Variants in BAZ2B observed in about 807,000 individuals in gnomAD.
BAZ2B encodes bromodomain adjacent to zinc finger domain protein 2B.
BAZ2B carries 91 observed loss-of-function variants against 246.0 expected under a neutral mutation model. That is an observed-to-expected ratio of 0.37 (90% CI 0.31 to 0.44). The LOEUF is 0.44. BAZ2B is among the 20% of genes least tolerant of loss of function. The pLI, the probability that BAZ2B is intolerant of heterozygous loss-of-function variation, is 1.00. For missense variants in BAZ2B, 2,332 were observed against 2,533.7 expected (o/e 0.92, Z 1.71); for synonymous variants, 855 against 860.0 (o/e 0.99, Z 0.10).
At chr2:159,450,086 A>C (rs2074839855) in intron 4 of BAZ2B, among the ~76,000 whole-genome samples, 1 of 152,222 alleles carries the variant, frequency 6.6e-6, no homozygotes, top group Admixed American at 6.5e-5. Flanking sequence ...CTGTAATTAA[A>C]GTGGAATTCA....
At chr2:159,497,984 C>CT (rs1428304695) in intron 2 of BAZ2B, among the ~76,000 whole-genome samples, 1 of 152,204 alleles carries the variant, frequency 6.6e-6, no homozygotes. Context: ...AACTTCCCAT[C>CT]TTTGAATTAT....
the BAZ2B span, among the ~76,000 whole-genome samples, chr2:159,687,070 A>G: frequency 1.0e-4 from 15 of 150,652 alleles, no homozygotes; most frequent in South Asian, 3.1e-3. Flanking sequence ...GCACCATAGT[A>G]ATTGAAAATA....
chr2:159,690,903 T>C, the BAZ2B span, among the ~76,000 whole-genome samples: 3 of 152,164 alleles, frequency 2.0e-5, no homozygotes, highest in Non-Finnish European at 2.9e-5. Context: ...TTGGCTAATA[T>C]TCCCAGTAAT....
intron 13 of BAZ2B, among the ~76,000 whole-genome samples, chr2:159,413,852 C>T (rs775957387): frequency 6.7e-6 from 1 of 148,600 alleles, no homozygotes; most frequent in Non-Finnish European, 1.5e-5. Context: ...GAGAACAGTT[C>T]GGAGGTCGCT....
At chr2:159,328,070 GAAAAAAAA>G (rs1306873341) in intron 34 of BAZ2B, among the ~76,000 whole-genome samples, 2 of 49,530 alleles carry the variant, frequency 4.0e-5, no homozygotes, top group African/African-American at 1.3e-4. Flanking sequence ...GCCTCAAAAC[GAAAAAAAA>G]AAAAAAAAAA....
Position 159,415,917 on chromosome 2 carries a change from ATATGGTGGG to A in BAZ2B, c.2467-3381_2467-3373del, listed in dbSNP as rs573517384. On this transcript the variant is annotated intron_variant, in intron 13 of 36. Transcript: ENST00000392783. ...TTAATCTTCACAACATTTCTATCTCATATGGTGGGTTTTATCGTCTTTACAATTGAGGAA... is the reference window on the plus strand; with the variant it reads ...TTAATCTTCACAACATTTCTATCTCATTTTATCGTCTTTACAATTGAGGAA... Among the ~76,000 whole-genome samples, 56 of 152,196 alleles carry A rather than the reference ATATGGTGGG, an allele frequency of 3.7e-4. 1 individual carries two copies. The East Asian group carries it at 9.1e-3, about 25-fold the overall frequency.
In BAZ2B at chr2:159,319,265, A is replaced by T. The variant is rs1221684148; in HGVS notation, c.*1000T>A. ...TACTGTGTGCGTAGGAAATTGTCAC[A>T]ATTTTATTCCACATGGATACAAATG... is the stretch of plus-strand genomic sequence containing the variant. On this transcript the variant is annotated 3_prime_UTR_variant, in exon 37 of 37. Coordinates refer to ENST00000392783, the MANE Select transcript of BAZ2B (RefSeq NM_013450.4). The surrounding 1 kb of genome is among the most constrained non-coding windows in gnomAD (Gnocchi z 4.0). 6.6e-6 allele frequency: 1 copy of T among 152,646 alleles called. No homozygotes were observed. Among genetic ancestry groups the T allele is most frequent in the Non-Finnish European group, 1.5e-5 (1 of 68,032 alleles). 9.5% of individuals were successfully genotyped at this position (152,646 alleles called of 1,614,324 possible). A position where few individuals can be genotyped will look rare whatever the true frequency, so the allele number is the denominator to read the frequency against.
chr2:159,387,578 G>T (rs115098435), intron 21 of BAZ2B, among the ~76,000 whole-genome samples: 4,102 of 152,156 alleles, frequency 0.027, 85 homozygotes, highest in African/African-American at 0.065. Context: ...ATAGATAATA[G>T]CTCATCTCAT....
At chr2:159,657,302 G>A in the BAZ2B span, among the ~76,000 whole-genome samples, 9 of 152,014 alleles carry the variant, frequency 5.9e-5, no homozygotes, top group African/African-American at 1.4e-4. Flanking sequence ...TATTCTTTGC[G>A]TAGGTCTATT....
At chr2:159,576,026 A>AT (rs1022940545) in intron 1 of BAZ2B, among the ~76,000 whole-genome samples, 2 of 152,188 alleles carry the variant, frequency 1.3e-5, no homozygotes, top group African/African-American at 4.8e-5. Flanking sequence ...AACTTAAAGA[A>AT]TTTCTGAGAA....
At chr2:159,572,903 G>A (rs1318977547) in intron 1 of BAZ2B, among the ~76,000 whole-genome samples, 2 of 152,146 alleles carry the variant, frequency 1.3e-5, no homozygotes, top group African/African-American at 4.8e-5. Context: ...TAAGCAACAT[G>A]AGAATGAGGA....
intron 2 of BAZ2B, among the ~76,000 whole-genome samples, chr2:159,535,412 C>T (rs2085855723): frequency 6.6e-6 from 1 of 152,202 alleles, no homozygotes; most frequent in South Asian, 2.1e-4. Flanking sequence ...ATCCCAGCTA[C>T]TGGGGAGTCT....
At chr2:159,396,958 G>A in intron 19 of BAZ2B, 1 of 735,066 alleles carries the variant, frequency 1.4e-6, no homozygotes, top group Non-Finnish European at 2.0e-6. Context: ...GTAAAGCCAT[G>A]CAGCAGTATG....
chr2:159,365,129 A>T (rs2060088458), intron 27 of BAZ2B, among the ~76,000 whole-genome samples: 1 of 152,154 alleles, frequency 6.6e-6, no homozygotes, highest in African/African-American at 2.4e-5. Flanking sequence ...GATATGATAC[A>T]ATTAAGCAAT....
intron 1 of BAZ2B, among the ~76,000 whole-genome samples, chr2:159,610,557 G>T (rs1369275468): frequency 1.3e-5 from 2 of 152,062 alleles, no homozygotes; most frequent in African/African-American, 2.4e-5. Flanking sequence ...ACTAATCCAA[G>T]AATTATCTTC....
At chr2:159,403,888 C>T (rs2065488012) in intron 16 of BAZ2B, among the ~76,000 whole-genome samples, 1 of 152,096 alleles carries the variant, frequency 6.6e-6, no homozygotes, top group African/African-American at 2.4e-5. Flanking sequence ...TCTAAGGTCA[C>T]AAAATTATTA....
In BAZ2B at chr2:159,453,798, T is replaced by G. The variant is rs774209135; in HGVS notation, c.149A>C (p.His50Pro). The G allele has an allele frequency of 6.3e-7, 1 of 1,584,602 alleles. No individual in the cohort carries two copies. Among genetic ancestry groups the G allele is most frequent in the Non-Finnish European group, 8.6e-7 (1 of 1,164,256 alleles). ...SLSSTINPCGHLFRTAGDQPF... is the reference protein window; with the variant it reads ...SLSSTINPCGPLFRTAGDQPF... ...TTGATCCCCAGCTGTTCTGAATAAA[T>G]GTCCTGGGAGGGAAAAAAACACACT... The change falls in exon 4 of 37, where the codon CAT (histidine) becomes CCT (proline). Residue 50 changes from histidine (H) to proline (P), a missense_variant. Coordinates refer to ENST00000392783, the MANE Select transcript of BAZ2B (RefSeq NM_013450.4).
chr2:159,619,438 A>G (rs1474124089), upstream of BAZ2B, among the ~76,000 whole-genome samples: 1 of 151,742 alleles, frequency 6.6e-6, no homozygotes, highest in Non-Finnish European at 1.5e-5. Flanking sequence ...GACATTCCCA[A>G]TGGTGAAGTT....
chr2:159,515,621 A>C (rs1327411078), intron 2 of BAZ2B, among the ~76,000 whole-genome samples: 1 of 152,110 alleles, frequency 6.6e-6, no homozygotes, highest in African/African-American at 2.4e-5. Flanking sequence ...AAACATACAC[A>C]TTTTACTTAA....
Sources: gnomAD v4.1 joint callset for allele counts (sites outside exome capture counted in the v4.1 genomes callset) on GRCh38, gnomAD v4.1.1 for gene constraint, Gnocchi (gnomAD v3.1) non-coding constraint, MANE v1.5 for transcripts, NCBI Gene and HGNC (gene_info 2026-07-23, HGNC 2026-07-21) for gene names.